LMBR1: variants seen among roughly 807,000 people sequenced by gnomAD.
The protein encoded by LMBR1 is limb region 1 protein homolog.
Under a neutral mutation model 73.9 loss-of-function variants are expected in LMBR1, and 52 were observed. The observed-to-expected ratio is 0.70, with a 90% CI of 0.56 to 0.89. The LOEUF (loss-of-function observed/expected upper bound fraction) is 0.89. LMBR1 is among the 40% of genes least tolerant of loss of function. The pLI is 0.00. For synonymous variants in LMBR1, 215 were observed against 209.4 expected (o/e 1.03, Z -0.23); for missense variants, 539 against 579.8 (o/e 0.93, Z 0.72).
At position 156,679,877 on chromosome 7, in the gene LMBR1, T is replaced by C. The variant is rs187167810; in HGVS notation, c.*4201A>G. 1 of 152,224 alleles carries C rather than the reference T, an allele frequency of 6.6e-6. No homozygotes were observed. Among genetic ancestry groups the C allele is most frequent in the African/African-American group, 2.4e-5 (1 of 41,460 alleles). 9.4% of individuals were successfully genotyped at this position (152,224 alleles called of 1,614,324 possible). A position where few individuals can be genotyped will look rare whatever the true frequency, so the allele number is the denominator to read the frequency against. ...GTTTTGTGTGAAGTTCCTATTTGATTATAGTTAACCTTGAAAAAATTTTTT... is the reference window on the plus strand; with the variant it reads ...GTTTTGTGTGAAGTTCCTATTTGATCATAGTTAACCTTGAAAAAATTTTTT... On this transcript the variant is annotated 3_prime_UTR_variant, in exon 17 of 17. Coordinates refer to ENST00000353442, the MANE Select transcript of LMBR1 (RefSeq NM_022458.4).
At chr7:156,869,073 C>T (rs1157069755) in intron 1 of LMBR1, among the ~76,000 whole-genome samples, 6 of 152,194 alleles carry the variant, frequency 3.9e-5, no homozygotes, top group African/African-American at 1.2e-4. Context: ...ATTTTCTTTA[C>T]GTGGTGTTCT....
At chr7:156,819,344 G>A (rs995241406) in intron 4 of LMBR1, among the ~76,000 whole-genome samples, 2 of 152,122 alleles carry the variant, frequency 1.3e-5, no homozygotes, top group Non-Finnish European at 2.9e-5. Flanking sequence ...TAATCCATAT[G>A]TGATTTACAC....
intron 8 of LMBR1, among the ~76,000 whole-genome samples, chr7:156,757,448 G>GA (rs1395813887): frequency 3.9e-5 from 6 of 152,120 alleles, no homozygotes; most frequent in Non-Finnish European, 5.9e-5. Context: ...TAGTTCAAAA[G>GA]AAAAAACCAT....
chr7:156,838,653 A>G (rs1838101867), intron 1 of LMBR1, among the ~76,000 whole-genome samples: 1 of 152,152 alleles, frequency 6.6e-6, no homozygotes, highest in African/African-American at 2.4e-5. Context: ...CAACTTCACT[A>G]TTGTGAACAG....
At chr7:156,813,233 A>C (rs76744949) in intron 4 of LMBR1, among the ~76,000 whole-genome samples, 10 of 152,164 alleles carry the variant, frequency 6.6e-5, no homozygotes, top group Non-Finnish European at 1.3e-4. Context: ...CTAATTTTTC[A>C]TACTCCACGT....
At chr7:156,745,755 C>A (rs1819728592) in intron 9 of LMBR1, among the ~76,000 whole-genome samples, 1 of 152,344 alleles carries the variant, frequency 6.6e-6, no homozygotes, top group East Asian at 1.9e-4. Flanking sequence ...ATCCCATTCC[C>A]TTTGCAGCTC....
chr7:156,672,584 CTT>C (rs1316920542), intron 4 of LMBR1, among the ~76,000 whole-genome samples: 1 of 152,198 alleles, frequency 6.6e-6, no homozygotes, highest in Non-Finnish European at 1.5e-5. Flanking sequence ...GGAAGTTTAT[CTT>C]GAGCTAAGTA....
At chr7:156,675,654 C>A (rs557440504), downstream of LMBR1, 10 of 1,575,778 alleles carry the variant, frequency 6.3e-6, no homozygotes, top group Non-Finnish European at 8.7e-6. Context: ...CAACCTCCAC[C>A]GAGCTCAGGT....
chr7:156,791,376 CAG>C (rs1000337632), intron 5 of LMBR1, among the ~76,000 whole-genome samples: 2 of 152,160 alleles, frequency 1.3e-5, no homozygotes, highest in African/African-American at 4.8e-5. Flanking sequence ...CTCGTGGAGA[CAG>C]AGGCTGGACT....
At chr7:156,671,718 C>T (rs948816960) in intron 4 of LMBR1, among the ~76,000 whole-genome samples, 2 of 152,204 alleles carry the variant, frequency 1.3e-5, no homozygotes, top group African/African-American at 4.8e-5. Flanking sequence ...AGTTTTTCAG[C>T]CCGTGTCCCT....
chr7:156,828,194 T>C (rs1220350342), intron 3 of LMBR1, among the ~76,000 whole-genome samples: 1 of 152,172 alleles, frequency 6.6e-6, no homozygotes, highest in Non-Finnish European at 1.5e-5. Context: ...CTATGACCCA[T>C]TTCGACATAC....
intron 4 of LMBR1, among the ~76,000 whole-genome samples, chr7:156,801,378 A>G (rs1430507497): frequency 1.3e-5 from 2 of 152,216 alleles, no homozygotes; most frequent in Non-Finnish European, 2.9e-5. Context: ...TTGCACACTT[A>G]ATAAATGGCA....
intron 9 of LMBR1, among the ~76,000 whole-genome samples, chr7:156,738,939 A>C (rs1369719155): frequency 6.6e-6 from 1 of 152,132 alleles, no homozygotes; most frequent in Non-Finnish European, 1.5e-5. Flanking sequence ...TGCTTGAGAA[A>C]AGCAGAAGGA....
chr7:156,773,909 A>C (rs936663376), intron 5 of LMBR1, among the ~76,000 whole-genome samples: 2 of 152,106 alleles, frequency 1.3e-5, no homozygotes, highest in African/African-American at 2.4e-5. Flanking sequence ...ACAAACAAAC[A>C]AACCAACAGA....
chr7:156,859,765 C>T (rs1797477484), intron 1 of LMBR1, among the ~76,000 whole-genome samples: 1 of 152,072 alleles, frequency 6.6e-6, no homozygotes, highest in South Asian at 2.1e-4. Flanking sequence ...AATCAAAATC[C>T]CAGTAAATTA....
chr7:156,873,465 C>T lies in LMBR1; in HGVS notation c.66+19463G>A, dbSNP rs1017147006. Among the ~76,000 whole-genome samples, 9 of 152,248 alleles carry T rather than the reference C, an allele frequency of 5.9e-5. 1 individual carries two copies. Among genetic ancestry groups the T allele is most frequent in the Middle Eastern group, 6.8e-3 (2 of 294 alleles). On this transcript the variant is annotated intron_variant, in intron 1 of 16. Coordinates refer to ENST00000353442, the MANE Select transcript of LMBR1 (RefSeq NM_022458.4). ...AGCTTCCACAGTGTGGAAGGTGACC[C>T]GAGCGGGTTGCCAATGCTGGCTCGG...
rs897744827 is a variant in LMBR1 at position 156,685,515 on chromosome 7, T to C, written c.1388-1352A>G. On this transcript the variant is annotated intron_variant, in intron 16 of 16. Transcript: ENST00000353442. This position sits in a 1 kb window ranked among gnomAD's most constrained non-coding sequence, Gnocchi z 4.1. ...CTCCTCAGTTACCAAGCAGACAGCA[T>C]GTCACTGTCCTGAGTGCTGCAGCCA... Among the ~76,000 whole-genome samples, 2 of 152,242 alleles carry C rather than the reference T, an allele frequency of 1.3e-5. No homozygotes were observed. Among genetic ancestry groups the C allele is most frequent in the African/African-American group, 4.8e-5 (2 of 41,464 alleles).
At chr7:156,820,854 A>G (rs1314708162) in intron 4 of LMBR1, among the ~76,000 whole-genome samples, 1 of 152,180 alleles carries the variant, frequency 6.6e-6, no homozygotes, top group Non-Finnish European at 1.5e-5. Context: ...CCTGGGCCAC[A>G]TGACCCAGCA....
At chr7:156,675,115 A>G (rs1803519067), downstream of LMBR1, among the ~76,000 whole-genome samples, 1 of 152,258 alleles carries the variant, frequency 6.6e-6, no homozygotes, top group South Asian at 2.1e-4. Flanking sequence ...GAGATAGTGC[A>G]GACCCGAAGA....
Sources: allele counts gnomAD v4.1 joint callset (sites outside exome capture counted in the v4.1 genomes callset), GRCh38; gene constraint gnomAD v4.1.1; non-coding constraint Gnocchi (gnomAD v3.1); transcripts MANE v1.5; gene names NCBI Gene and HGNC (gene_info 2026-07-23, HGNC 2026-07-21).